Variants in FGD3 observed in about 807,000 individuals in gnomAD.
FGD3 encodes FYVE, RhoGEF and PH domain containing 3, also known as FYVE, RhoGEF and PH domain-containing protein 3.
Under a neutral mutation model 71.8 loss-of-function variants are expected in FGD3, and 45 were observed. The observed-to-expected ratio is 0.63, with a 90% CI of 0.49 to 0.80. FGD3 has a LOEUF of 0.80. FGD3 is among the 30% of genes least tolerant of loss of function. FGD3 has a pLI of 0.00. For synonymous variants in FGD3, 378 were observed against 392.8 expected (o/e 0.96, Z 0.44); for missense variants, 844 against 951.5 (o/e 0.89, Z 1.49).
intron 1 of FGD3, among the ~76,000 whole-genome samples, chr9:92,965,770 G>T (rs1051145115): frequency 3.3e-5 from 5 of 152,224 alleles, no homozygotes; most frequent in Non-Finnish European, 7.3e-5. Context: ...CTAGAAGAGT[G>T]ACCTGGGAGT....
At chr9:93,031,000 G>A (rs1034282215) in intron 15 of FGD3, among the ~76,000 whole-genome samples, 8 of 152,008 alleles carry the variant, frequency 5.3e-5, no homozygotes, top group Non-Finnish European at 1.0e-4. Flanking sequence ...GATGGCATAC[G>A]GAAGTATGGG....
chr9:93,020,657 C>A (rs1861883520), intron 13 of FGD3: 1 of 496,304 alleles, frequency 2.0e-6, no homozygotes, highest in Admixed American at 3.3e-5. Context: ...CCACCCCCTA[C>A]AACCCCTGAG....
At chr9:92,968,945 T>C (rs1288901439) in intron 1 of FGD3, among the ~76,000 whole-genome samples, 4 of 152,176 alleles carry the variant, frequency 2.6e-5, no homozygotes, top group Non-Finnish European at 5.9e-5. Flanking sequence ...GCATTACATC[T>C]GGGCATGGCC....
At position 93,006,172 on chromosome 9, in the gene FGD3, A is replaced by G. The variant is rs1564159140; in HGVS notation, c.829A>G (p.Ser277Gly). 2 of 1,582,276 alleles carry G rather than the reference A, an allele frequency of 1.3e-6. No individual in the cohort carries two copies. The highest frequency in any genetic ancestry group is 1.7e-6 in the Non-Finnish European group (2 of 1,161,602). ...CCCACTGTTTAAAGACGTCGTCCACAGCATCCAGGTAAGGCCGGCAGTGGG... is the reference window on the plus strand; with the variant it reads ...CCCACTGTTTAAAGACGTCGTCCACGGCATCCAGGTAAGGCCGGCAGTGGG... ...RSPLFKDVVHSIQKQEVCGNL... is the reference protein window; with the variant it reads ...RSPLFKDVVHGIQKQEVCGNL... The change falls in exon 6 of 18, where the codon AGC (serine) becomes GGC (glycine). Residue 277 changes from serine to glycine, a missense_variant. Coordinates refer to ENST00000375482, the MANE Select transcript of FGD3 (RefSeq NM_001083536.2).
chr9:93,033,443 C>T (rs1379457787), intron 16 of FGD3: 1 of 164,084 alleles, frequency 6.1e-6, no homozygotes, highest in Non-Finnish European at 1.3e-5. Flanking sequence ...CTCCCCGTAC[C>T]CTTTTTCTAC....
At chr9:92,987,418 C>T (rs1391564779) in intron 3 of FGD3, among the ~76,000 whole-genome samples, 1 of 137,594 alleles carries the variant, frequency 7.3e-6, no homozygotes, top group East Asian at 2.1e-4. Context: ...GACGACAGAG[C>T]GAGACTCTGT....
At chr9:93,023,166 C>T (rs1045660044) in intron 14 of FGD3, among the ~76,000 whole-genome samples, 2 of 152,190 alleles carry the variant, frequency 1.3e-5, no homozygotes, top group Admixed American at 1.3e-4. Flanking sequence ...AGGTGCCTCG[C>T]CTCACCCCAT....
chr9:92,953,099 C>T (rs562582114), intron 1 of FGD3, among the ~76,000 whole-genome samples: 13 of 152,298 alleles, frequency 8.5e-5, no homozygotes, highest in East Asian at 3.9e-4. Context: ...GTGCAGCTGC[C>T]GCATAACAAT....
intron 3 of FGD3, among the ~76,000 whole-genome samples, chr9:92,996,727 G>C (rs559086215): frequency 6.6e-6 from 1 of 152,042 alleles, no homozygotes; most frequent in Non-Finnish European, 1.5e-5. Context: ...CCTTCATTTC[G>C]TTATGTACCC....
At chr9:93,008,452 G>A (rs1372567265) in intron 6 of FGD3, among the ~76,000 whole-genome samples, 1 of 152,166 alleles carries the variant, frequency 6.6e-6, no homozygotes, top group Non-Finnish European at 1.5e-5. Context: ...TTGTCTTTTT[G>A]AGGGGTGCAG....
At chr9:93,009,762 C>T (rs12377562) in intron 6 of FGD3, among the ~76,000 whole-genome samples, 6,175 of 152,252 alleles carry the variant, frequency 0.041, 147 homozygotes, top group Middle Eastern at 0.071. Flanking sequence ...AATACTGGTG[C>T]GTTTATATCG....
At position 93,035,601 on chromosome 9, in the gene FGD3, C is replaced by T. The variant is rs1356302352; in HGVS notation, c.*12C>T. 6.4e-7 allele frequency: 1 copy of T among 1,571,204 alleles called. No individual in the cohort carries two copies. The stretch of plus-strand genomic sequence containing the variant: ...CAGCTGCTCCGTGAGCTGAGTCTCC[C>T]ACTGCCCTGCACACCACCACATTGG... On this transcript the variant is annotated 3_prime_UTR_variant, in exon 18 of 18. Coordinates refer to ENST00000375482, the MANE Select transcript of FGD3 (RefSeq NM_001083536.2).
rs1277143242 is a variant in FGD3 at position 92,990,997 on chromosome 9, T to C, written c.454-11928T>C. On this transcript the variant is annotated intron_variant, in intron 3 of 17. Coordinates refer to ENST00000375482, the MANE Select transcript of FGD3 (RefSeq NM_001083536.2). ...GGAATAGTTTGATAATTGGTATCAA[T>C]TGTTCTTTATAGGTTCAGTAGAATT... Among the ~76,000 whole-genome samples, 4 of 152,210 alleles carry C rather than the reference T, an allele frequency of 2.6e-5. No homozygotes were observed. In the East Asian group the frequency reaches 7.7e-4, roughly 29 times the overall value.
At chr9:93,005,049 C>T (rs1039356764) in intron 5 of FGD3, among the ~76,000 whole-genome samples, 2 of 152,158 alleles carry the variant, frequency 1.3e-5, no homozygotes, top group Non-Finnish European at 1.5e-5. Flanking sequence ...ACTGCTAACT[C>T]ATGAGTGCAT....
chr9:92,961,887 C>G (rs1378768478), intron 1 of FGD3, among the ~76,000 whole-genome samples: 1 of 152,182 alleles, frequency 6.6e-6, no homozygotes. Flanking sequence ...AGTGATTCAG[C>G]AAGGAAAGGC....
chr9:93,018,363 C>T (rs551072753), intron 11 of FGD3, 148 bp downstream of exon 11: 8 of 703,508 alleles, frequency 1.1e-5, no homozygotes, highest in African/African-American at 5.4e-5. Context: ...CTATGTCCTG[C>T]GCTTGCTGCA....
At chr9:92,983,591 A>T (rs1250129090) in intron 3 of FGD3, among the ~76,000 whole-genome samples, 1 of 152,234 alleles carries the variant, frequency 6.6e-6, no homozygotes, top group Non-Finnish European at 1.5e-5. Context: ...TGTCATAATT[A>T]TAGAAGTTTT....
At chr9:93,009,069 C>T (rs1861188681) in intron 6 of FGD3, among the ~76,000 whole-genome samples, 1 of 151,814 alleles carries the variant, frequency 6.6e-6, no homozygotes, top group African/African-American at 2.4e-5. Context: ...TCGAGACCAG[C>T]CTGACCAATA....
At chr9:92,948,542 G>A (rs553311393) in intron 1 of FGD3, among the ~76,000 whole-genome samples, 1 of 152,352 alleles carries the variant, frequency 6.6e-6, no homozygotes, top group East Asian at 1.9e-4. Flanking sequence ...TTCTGGGATG[G>A]CTGGGAAATA....
Sources: allele counts gnomAD v4.1 joint callset (sites outside exome capture counted in the v4.1 genomes callset), GRCh38; gene constraint gnomAD v4.1.1; transcripts MANE v1.5; gene names NCBI Gene and HGNC (gene_info 2026-07-23, HGNC 2026-07-21).